Variants in IRGQ observed in about 807,000 individuals in gnomAD.
IRGQ encodes the protein immunity-related GTPase family Q protein.
Under a neutral mutation model 10.5 loss-of-function variants are expected in IRGQ, and 5 were observed. The observed-to-expected ratio is 0.48, with a 90% CI of 0.25 to 1.00. The LOEUF (loss-of-function observed/expected upper bound fraction) is 1.00, where lower values mean the gene tolerates loss of function less well. Ranked by LOEUF, IRGQ falls within the 50% of genes least tolerant of loss-of-function variation. The pLI, the probability that IRGQ is intolerant of heterozygous loss-of-function variation, is 0.16. For synonymous variants in IRGQ, 418 were observed against 426.0 expected (o/e 0.98, Z 0.23); for missense variants, 792 against 877.7 (o/e 0.90, Z 1.23).
intron 2 of IRGQ, among the ~76,000 whole-genome samples, chr19:43,594,542 CA>C (rs947278513): frequency 2.7e-5 from 4 of 147,980 alleles, no homozygotes; most frequent in South Asian, 2.2e-4. Context: ...GAACCTGTCT[CA>C]AAAAAAAAGG....
Position 43,585,321 on chromosome 19 carries a change from C to T in IRGQ, c.*6705G>A, listed in dbSNP as rs561653917. 1 of 152,250 alleles carries T rather than the reference C, an allele frequency of 6.6e-6. No individual in the cohort carries two copies. 9.4% of individuals were successfully genotyped at this position (152,250 alleles called of 1,614,324 possible). On this transcript the variant is annotated 3_prime_UTR_variant, in exon 3 of 3. Coordinates refer to ENST00000422989, the MANE Select transcript of IRGQ (RefSeq NM_001007561.3). ...CGGCGCAGTCTCAGCTCACTACAAC[C>T]TCCGCCTCCCAGGTTCAAGCTATTC...
chr19:43,592,459 C>A lies in IRGQ; in HGVS notation c.1439G>T (p.Gly480Val). Residue 480 changes from glycine to valine, a missense_variant, in exon 3 of 3, where the codon GGG becomes GTG. Coordinates refer to ENST00000422989, the MANE Select transcript of IRGQ (RefSeq NM_001007561.3). ...ARTKAAALRA[G>V]AWRPALLASL... ...AGCCAGCAGAGCTGGCCTCCACGCC[C>A]CGGCTCGCAACGCCGCAGCCTTGGT... The A allele has an allele frequency of 6.3e-7, 1 of 1,586,198 alleles. No individual in the cohort carries two copies. Among genetic ancestry groups the A allele is most frequent in the East Asian group, 2.3e-5 (1 of 44,036 alleles).
In IRGQ at chr19:43,591,779, C is replaced by T. The variant is rs1973057150; in HGVS notation, c.*247G>A. 2 of 358,838 alleles carry T rather than the reference C, an allele frequency of 5.6e-6. No individual in the cohort carries two copies. The highest frequency in any genetic ancestry group is 4.5e-5 in the Admixed American group (1 of 22,128). The allele number at this position is 358,838 out of a possible 1,614,324, so 22.2% of individuals were successfully genotyped here. On this transcript the variant is annotated 3_prime_UTR_variant, in exon 3 of 3. Coordinates refer to ENST00000422989, the MANE Select transcript of IRGQ (RefSeq NM_001007561.3). ...AGGAGAATCGCTTGAACCCGGGAGGCGGAGGTTGCAGTGAGCCGAGGTCGC... is the reference window on the plus strand; with the variant it reads ...AGGAGAATCGCTTGAACCCGGGAGGTGGAGGTTGCAGTGAGCCGAGGTCGC...
Position 43,595,247 on chromosome 19 carries a change from T to C in IRGQ, c.92A>G (p.Asp31Gly). Residue 31 changes from aspartate to glycine, a missense_variant, in exon 2 of 3, where the codon GAT becomes GGT. Physicochemically the swap from Asp to Gly is moderately conservative, Grantham distance 94. Coordinates refer to ENST00000422989, the MANE Select transcript of IRGQ (RefSeq NM_001007561.3). ...SALIAALCDK[D>G]VETLEAPEGR... The stretch of plus-strand genomic sequence containing the variant: ...CTCGGGGGCCTCGAGCGTCTCCACA[T>C]CCTTGTCGCACAGCGCTGCGATCAG... 1 of 1,612,304 alleles carries C rather than the reference T, an allele frequency of 6.2e-7. No homozygotes were observed. Among genetic ancestry groups the C allele is most frequent in the South Asian group, 1.1e-5 (1 of 91,012 alleles).
rs77595924 is a variant in IRGQ, at chr19:43,585,088, C to T, written c.*6938G>A. On this transcript the variant is annotated 3_prime_UTR_variant, in exon 3 of 3. Transcript: ENST00000422989. ...CTCAGGCTAGTCTCGATCTCCTGGGCTCATGAAATTCTTCCACCTTTGCCT... is the reference window on the plus strand; with the variant it reads ...CTCAGGCTAGTCTCGATCTCCTGGGTTCATGAAATTCTTCCACCTTTGCCT... 0.052 allele frequency: 7,900 copies of T among 152,400 alleles called. 272 individuals carry two copies. Among genetic ancestry groups the T allele is most frequent in the Middle Eastern group, 0.22 (64 of 296 alleles). The allele number at this position is 152,400 out of a possible 1,614,324, so 9.4% of individuals were successfully genotyped here.
chr19:43,592,589 C>A lies in IRGQ; in HGVS notation c.1309G>T (p.Gly437Cys). Residue 437 changes from glycine (G) to cysteine (C), a missense_variant, in exon 3 of 3, where the codon GGC (glycine) becomes TGC (cysteine). Transcript: ENST00000422989. ...CATTCGCATAGCCCTGGGAGTCCGC[C>A]AGGCCGTAGGGGGAACACTGGCGGC... ...APPPVFPLRPGGLPGLCEWLR... is the reference protein window; with the variant it reads ...APPPVFPLRPCGLPGLCEWLR... 1 of 1,600,264 alleles carries A rather than the reference C, an allele frequency of 6.2e-7. No individual in the cohort carries two copies. The highest frequency in any genetic ancestry group is 8.5e-7 in the Non-Finnish European group (1 of 1,179,782).
At position 43,585,658 on chromosome 19, in the gene IRGQ, G is replaced by A. The variant is rs967405406; in HGVS notation, c.*6368C>T. 1 of 152,190 alleles carries A rather than the reference G, an allele frequency of 6.6e-6. No individual in the cohort carries two copies. Among genetic ancestry groups the A allele is most frequent in the Non-Finnish European group, 1.5e-5 (1 of 68,048 alleles). The allele number at this position is 152,190 out of a possible 1,614,324, so 9.4% of individuals were successfully genotyped here. ...CAATCCAAGGGCATGGCTACAGAAAGGCTGGCCCAGTTGGGGTCATTAATG... is the reference window on the plus strand; with the variant it reads ...CAATCCAAGGGCATGGCTACAGAAAAGCTGGCCCAGTTGGGGTCATTAATG... On this transcript the variant is annotated 3_prime_UTR_variant, in exon 3 of 3. Transcript: ENST00000422989.
Position 43,592,794 on chromosome 19 carries a change from C to T in IRGQ, c.1104G>A (p.Lys368=), listed in dbSNP as rs746370475. 1.2e-6 allele frequency: 2 copies of T among 1,614,008 alleles called. No homozygotes were observed. The highest frequency in any genetic ancestry group is 1.1e-5 in the South Asian group (1 of 91,090). Residue 368 remains lysine, a synonymous_variant, in exon 3 of 3, where the codon AAG becomes AAA. Coordinates refer to ENST00000422989, the MANE Select transcript of IRGQ (RefSeq NM_001007561.3). ...GGGGLENALS[K]GREKCSAGSQ... is the part of the protein sequence containing the mutation. ...ATCCAGCGCTACATTTCTCCCTTCC[C>T]TTACTGAGTGCATTCTCCAATCCCC...
rs1972994306 is a variant in IRGQ at position 43,586,362 on chromosome 19, A to C, written c.*5664T>G. The C allele has an allele frequency of 6.6e-6, 1 of 152,028 alleles. No individual in the cohort carries two copies. 9.4% of individuals were successfully genotyped at this position (152,028 alleles called of 1,614,324 possible). On this transcript the variant is annotated 3_prime_UTR_variant, in exon 3 of 3. Coordinates refer to ENST00000422989, the MANE Select transcript of IRGQ (RefSeq NM_001007561.3). ...AAAAGTTATGATTTAAAAGGCGACC[A>C]CCCCCAAAAGAAGTCATAACACTCA... is the stretch of plus-strand genomic sequence containing the variant.
In IRGQ at chr19:43,591,953, C is replaced by G; in HGVS notation, c.*73G>C. The G allele has an allele frequency of 6.8e-7, 1 of 1,461,704 alleles. No individual in the cohort carries two copies. The highest frequency in any genetic ancestry group is 9.2e-7 in the Non-Finnish European group (1 of 1,083,124). The allele number at this position is 1,461,704 out of a possible 1,614,324, so 90.5% of individuals were successfully genotyped here. On this transcript the variant is annotated 3_prime_UTR_variant, in exon 3 of 3. Coordinates refer to ENST00000422989, the MANE Select transcript of IRGQ (RefSeq NM_001007561.3). ...CCAGCTGGAAGTCAAGAGTCCACAT[C>G]CCCTTCAAGCACCCAGGATTAAGCC...
chr19:43,592,199 C>T lies in IRGQ; in HGVS notation c.1699G>A (p.Gly567Ser). 1 of 1,594,864 alleles carries T rather than the reference C, an allele frequency of 6.3e-7. No homozygotes were observed. Among genetic ancestry groups the T allele is most frequent in the Non-Finnish European group, 8.5e-7 (1 of 1,175,960 alleles). The part of the protein sequence containing the change: ...EARLGAWAGE[G>S]TAGGAALGAL... ...CCCAGTGCTGCGCCCCCAGCAGTGC[C>T]CTCGCCCGCCCAGGCGCCCAGTCTT... Residue 567 changes from glycine to serine, a missense_variant, in exon 3 of 3, where the codon GGC (glycine) becomes AGC (serine). Coordinates refer to ENST00000422989, the MANE Select transcript of IRGQ (RefSeq NM_001007561.3).
rs1972987266 is a variant in IRGQ, at chr19:43,585,640, AG to A, written c.*6385del. On this transcript the variant is annotated 3_prime_UTR_variant, in exon 3 of 3. Coordinates refer to ENST00000422989, the MANE Select transcript of IRGQ (RefSeq NM_001007561.3). ...AACCTAGAAGGAGAGCAACAATCCAAGGGCATGGCTACAGAAAGGCTGGCCC... is the reference window on the plus strand; with the variant it reads ...AACCTAGAAGGAGAGCAACAATCCAAGGCATGGCTACAGAAAGGCTGGCCC... 6.6e-6 allele frequency: 1 copy of A among 152,178 alleles called. No individual in the cohort carries two copies. Among genetic ancestry groups the A allele is most frequent in the Admixed American group, 6.5e-5 (1 of 15,270 alleles). The allele number at this position is 152,178 out of a possible 1,614,324, so 9.4% of individuals were successfully genotyped here.
chr19:43,592,828 G>C lies in IRGQ; in HGVS notation c.1070C>G (p.Ala357Gly). The change falls in exon 3 of 3, where the codon GCA (alanine) becomes GGA (glycine). Residue 357 changes from alanine (A) to glycine (G), a missense_variant. By Grantham distance (60) the Ala-to-Gly change is moderately conservative. Coordinates refer to ENST00000422989, the MANE Select transcript of IRGQ (RefSeq NM_001007561.3). ...TGCATTCTCCAATCCCCCTCCACCT[G>C]CGTTCTTTAAGCTCTCGCCCTTGGG... ...ENPKGESLKNAGGGGLENALS... is the reference protein window; with the variant it reads ...ENPKGESLKNGGGGGLENALS... The C allele has an allele frequency of 6.2e-7, 1 of 1,613,974 alleles. No individual in the cohort carries two copies. Among genetic ancestry groups the C allele is most frequent in the Non-Finnish European group, 8.5e-7 (1 of 1,180,026 alleles).
rs965046105 is a variant in IRGQ at position 43,589,765 on chromosome 19, T to C, written c.*2261A>G. Reference sequence around the variant, plus strand: ...AGGAAACTCAACTGGCCGAAATGAATAGTGGGGGAATGTGAGCTACTTCAG... The same window carrying C: ...AGGAAACTCAACTGGCCGAAATGAACAGTGGGGGAATGTGAGCTACTTCAG... On this transcript the variant is annotated 3_prime_UTR_variant, in exon 3 of 3. Transcript: ENST00000422989. The C allele has an allele frequency of 1.3e-5, 2 of 151,994 alleles. No homozygotes were observed. Among genetic ancestry groups the C allele is most frequent in the African/African-American group, 4.8e-5 (2 of 41,364 alleles). 9.4% of individuals were successfully genotyped at this position (151,994 alleles called of 1,614,324 possible).
Position 43,595,212 on chromosome 19 carries a change from C to A in IRGQ, c.127G>T (p.Asp43Tyr), listed in dbSNP as rs774294199. The change falls in exon 2 of 3, where the codon GAC becomes TAC. Residue 43 changes from aspartate (D) to tyrosine (Y), a missense_variant. Physicochemically the swap from Asp to Tyr is radical, Grantham distance 160 (BLOSUM62 -3). Transcript: ENST00000422989. ...GCTCTTAGGCTGGGAACCCCGGAGT[C>A]CGGCCGTCCCTCGGGGGCCTCGAGC... Reference protein sequence around the residue: ...ETLEAPEGRPDSGVPSLRAAG... With the variant: ...ETLEAPEGRPYSGVPSLRAAG... 1.2e-5 allele frequency: 20 copies of A among 1,612,298 alleles called. No individual in the cohort carries two copies. Among genetic ancestry groups the A allele is most frequent in the Non-Finnish European group, 1.6e-5 (19 of 1,179,724 alleles).
chr19:43,593,925 G>T lies in IRGQ; in HGVS notation c.531-558C>A, dbSNP rs1973094553. Reference sequence around the variant, plus strand: ...GCAGGTGAGGCTAAGGAAAAAAGATGACAGTGTACTGGGACAAGGGACTGT... The same window carrying T: ...GCAGGTGAGGCTAAGGAAAAAAGATTACAGTGTACTGGGACAAGGGACTGT... On this transcript the variant is annotated intron_variant, in intron 2 of 2. Transcript: ENST00000422989. The surrounding 1 kb of genome is among the most constrained non-coding windows in gnomAD (Gnocchi z 6.4). Among the ~76,000 whole-genome samples the T allele has an allele frequency of 6.6e-6, 1 of 152,172 alleles. No individual in the cohort carries two copies. The highest frequency in any genetic ancestry group is 2.1e-4 in the South Asian group (1 of 4,826).
chr19:43,595,357 A>G lies in IRGQ; in HGVS notation c.-2-17T>C. On this transcript the variant is annotated splice_polypyrimidine_tract_variant and intron_variant, in intron 1 of 2. Transcript: ENST00000422989. ...GAGGCATGGCTGGAAAGCAACGGGT[A>G]GAGAAGACCTGGGTCAGGGAGCACC... 6.6e-7 allele frequency: 1 copy of G among 1,523,312 alleles called. No homozygotes were observed. Among genetic ancestry groups the G allele is most frequent in the Non-Finnish European group, 8.8e-7 (1 of 1,141,262 alleles). 94.4% of individuals were successfully genotyped at this position (1,523,312 alleles called of 1,614,324 possible). A position where few individuals can be genotyped will look rare whatever the true frequency, so the allele number is the denominator to read the frequency against.
chr19:43,594,960 C>A lies in IRGQ; in HGVS notation c.379G>T (p.Ala127Ser), dbSNP rs560584207. 2 of 1,614,050 alleles carry A rather than the reference C, an allele frequency of 1.2e-6. No individual in the cohort carries two copies. Among genetic ancestry groups the A allele is most frequent in the East Asian group, 4.5e-5 (2 of 44,880 alleles). ...AGCAGAGCTGCTGTCTGATCACGGGCCTGGGCGGCAGTCTGTGAATCCCCA... is the reference window on the plus strand; with the variant it reads ...AGCAGAGCTGCTGTCTGATCACGGGACTGGGCGGCAGTCTGTGAATCCCCA... ...RPGDSQTAAQ[A>S]RDQTAALLNS... Residue 127 changes from alanine to serine, a missense_variant, in exon 2 of 3, where the codon GCC becomes TCC. Physicochemically the swap from Ala to Ser is moderately conservative, Grantham distance 99 (BLOSUM62 1). Transcript: ENST00000422989.
At position 43,593,257 on chromosome 19, in the gene IRGQ, C is replaced by T; in HGVS notation, c.641G>A (p.Arg214His). The stretch of plus-strand genomic sequence containing the variant: ...GCTGCCCAGGCGCTCCAGGCCTGAG[C>T]GCACCCACGACAGCGCAGCCTCAAG... Reference protein sequence around the residue: ...GGLEAALSWVRSGLERLGSAR... With the variant: ...GGLEAALSWVHSGLERLGSAR... The change falls in exon 3 of 3, where the codon CGC (arginine) becomes CAC (histidine). Residue 214 changes from arginine to histidine, a missense_variant. Arg to His is a conservative substitution (Grantham distance 29, BLOSUM62 0). Coordinates refer to ENST00000422989, the MANE Select transcript of IRGQ (RefSeq NM_001007561.3). This position sits in a 1 kb window ranked among gnomAD's most constrained non-coding sequence, Gnocchi z 6.4. The T allele has an allele frequency of 1.9e-6, 3 of 1,599,158 alleles. No individual in the cohort carries two copies. The highest frequency in any genetic ancestry group is 1.7e-6 in the Non-Finnish European group (2 of 1,172,126).
Sources: allele counts gnomAD v4.1 joint callset (sites outside exome capture counted in the v4.1 genomes callset), GRCh38; gene constraint gnomAD v4.1.1; non-coding constraint Gnocchi (gnomAD v3.1); transcripts MANE v1.5; gene names NCBI Gene and HGNC (gene_info 2026-07-23, HGNC 2026-07-21).